Variants in CALD1 observed in about 807,000 individuals in gnomAD.
CALD1 encodes the protein caldesmon.
CALD1 carries 33 observed loss-of-function variants against 99.9 expected under a neutral mutation model. The ratio of observed to expected loss-of-function variants is 0.33; its 90% confidence interval spans 0.25 to 0.44. The LOEUF (loss-of-function observed/expected upper bound fraction) is 0.44. Ranked by LOEUF, CALD1 falls within the 20% of genes least tolerant of loss-of-function variation. The pLI, the probability that CALD1 is intolerant of heterozygous loss-of-function variation, is 1.00. For synonymous variants in CALD1, 310 were observed against 325.0 expected (o/e 0.95, Z 0.50); for missense variants, 861 against 962.1 (o/e 0.89, Z 1.39).
At chr7:134,914,987 G>A (rs540096490) in intron 3 of CALD1, among the ~76,000 whole-genome samples, 51 of 152,336 alleles carry the variant, frequency 3.3e-4, no homozygotes, top group Non-Finnish European at 2.8e-4. Flanking sequence ...GGCTTGAATG[G>A]AGTAAATGTT....
intron 1 of CALD1, among the ~76,000 whole-genome samples, chr7:134,814,420 G>C (rs150814740): frequency 4.3e-4 from 66 of 152,272 alleles, no homozygotes; most frequent in African/African-American, 1.5e-3. Flanking sequence ...AGTCCTGGGG[G>C]TCTTGCAGAA....
intron 3 of CALD1, among the ~76,000 whole-genome samples, chr7:134,872,451 CA>C (rs1422232472): frequency 6.6e-6 from 1 of 151,820 alleles, no homozygotes; most frequent in Non-Finnish European, 1.5e-5. Flanking sequence ...CCTTGTCTTC[CA>C]TTTGGCTTTC....
intron 8 of CALD1, 82 bp from the exon 9 acceptor site, chr7:134,950,292 C>A: frequency 2.1e-6 from 3 of 1,402,856 alleles, no homozygotes; most frequent in South Asian, 1.3e-5. Flanking sequence ...GCCTCTCCAA[C>A]TGTGCTCTCT....
At chr7:134,832,197 T>G (rs1799259332) in intron 1 of CALD1, among the ~76,000 whole-genome samples, 1 of 152,232 alleles carries the variant, frequency 6.6e-6, no homozygotes, top group South Asian at 2.1e-4. Context: ...TGTCTCTTAA[T>G]ATGCATTTCC....
At chr7:134,812,583 T>TAAAAAA in intron 1 of CALD1, among the ~76,000 whole-genome samples, 1 of 143,852 alleles carries the variant, frequency 7.0e-6, no homozygotes, top group Admixed American at 7.0e-5. Context: ...AAAGAATAGT[T>TAAAAAA]AAAAAAAAAA....
chr7:134,942,970 T>A (rs1437294329), intron 7 of CALD1, among the ~76,000 whole-genome samples: 2 of 152,188 alleles, frequency 1.3e-5, no homozygotes, highest in East Asian at 3.9e-4. Flanking sequence ...TAAGAACACT[T>A]ACGTGTGACT....
upstream of CALD1, among the ~76,000 whole-genome samples, chr7:134,741,478 C>G (rs1796591302): frequency 6.6e-6 from 1 of 152,104 alleles, no homozygotes; most frequent in African/African-American, 2.4e-5. Flanking sequence ...ACCATATTAG[C>G]TCTGAAACTC....
chr7:134,806,844 T>C (rs1448111701), intron 1 of CALD1, among the ~76,000 whole-genome samples: 1 of 152,162 alleles, frequency 6.6e-6, no homozygotes. Flanking sequence ...CAAAGGAGAA[T>C]TTTTTTCTGG....
intron 1 of CALD1, among the ~76,000 whole-genome samples, chr7:134,798,748 T>C (rs907511702): frequency 5.3e-5 from 8 of 152,244 alleles, no homozygotes; most frequent in Non-Finnish European, 1.0e-4. Context: ...CAAGCTTTCT[T>C]TGAAATACGA....
intron 1 of CALD1, among the ~76,000 whole-genome samples, chr7:134,785,190 T>A (rs1043978680): frequency 6.6e-6 from 1 of 152,188 alleles, no homozygotes; most frequent in Non-Finnish European, 1.5e-5. Context: ...AAACACCCAA[T>A]GAATGATCAC....
intron 3 of CALD1, among the ~76,000 whole-genome samples, chr7:134,875,317 C>T (rs1214054890): frequency 1.3e-5 from 2 of 152,296 alleles, no homozygotes; most frequent in Non-Finnish European, 2.9e-5. Flanking sequence ...AGGTTATAGG[C>T]GTGAGTCACC....
intron 3 of CALD1, among the ~76,000 whole-genome samples, chr7:134,893,115 A>C: frequency 6.6e-6 from 1 of 150,570 alleles, no homozygotes. Context: ...GCTTGTTTCC[A>C]CTCCTTCATG....
intron 1 of CALD1, among the ~76,000 whole-genome samples, chr7:134,751,453 T>G (rs1022582453): frequency 6.6e-6 from 1 of 152,238 alleles, no homozygotes; most frequent in Non-Finnish European, 1.5e-5. Flanking sequence ...TTTATCAAGG[T>G]GATTGTCCTT....
intron 3 of CALD1, among the ~76,000 whole-genome samples, chr7:134,880,438 T>C (rs1443254617): frequency 6.6e-6 from 1 of 152,082 alleles, no homozygotes; most frequent in Non-Finnish European, 1.5e-5. Context: ...AGTGAGCAAA[T>C]AAACAAGCAG....
At chr7:134,712,349 C>T in the CALD1 span, among the ~76,000 whole-genome samples, 1 of 152,166 alleles carries the variant, frequency 6.6e-6, no homozygotes, top group South Asian at 2.1e-4. Flanking sequence ...AGTCATAATG[C>T]CCTGCTTTGA....
chr7:134,716,977 G>A, the CALD1 span, among the ~76,000 whole-genome samples: 1 of 152,122 alleles, frequency 6.6e-6, no homozygotes, highest in Non-Finnish European at 1.5e-5. Flanking sequence ...GACCACTGAA[G>A]CTTTATATAT....
chr7:134,839,630 T>C (rs1476746668), intron 1 of CALD1, among the ~76,000 whole-genome samples: 1 of 152,204 alleles, frequency 6.6e-6, no homozygotes, highest in Non-Finnish European at 1.5e-5. Flanking sequence ...AAGTTTCAAT[T>C]TGAATTTTTC....
At chr7:134,964,985 A>G (rs1222681720) in intron 13 of CALD1, among the ~76,000 whole-genome samples, 1 of 152,040 alleles carries the variant, frequency 6.6e-6, no homozygotes, top group Non-Finnish European at 1.5e-5. Flanking sequence ...GCATGGTGGC[A>G]CACGCCTGTA....
intron 9 of CALD1, among the ~76,000 whole-genome samples, chr7:134,954,293 A>G (rs1016408402): frequency 6.6e-6 from 1 of 152,178 alleles, no homozygotes; most frequent in African/African-American, 2.4e-5. Context: ...TTTAATTTCT[A>G]TTGCCTTTAT....
Sources: gnomAD v4.1 joint callset for allele counts (sites outside exome capture counted in the v4.1 genomes callset) on GRCh38, gnomAD v4.1.1 for gene constraint, MANE v1.5 for transcripts, NCBI Gene and HGNC (gene_info 2026-07-23, HGNC 2026-07-21) for gene names.